ANKRD33: variants seen among roughly 807,000 people sequenced by gnomAD.
ANKRD33 encodes the protein photoreceptor ankyrin repeat protein.
A neutral mutation model predicts 20.6 loss-of-function variants in ANKRD33; 20 were observed. The observed-to-expected ratio is 0.97, with a 90% CI of 0.68 to 1.41. The LOEUF (loss-of-function observed/expected upper bound fraction) is 1.41. Among genes scored for constraint, ANKRD33 ranks in the 40% most tolerant of loss-of-function variants. ANKRD33 has a pLI of 0.00. For missense variants in ANKRD33, 545 were observed against 579.6 expected (o/e 0.94, Z 0.61); for synonymous variants, 246 against 245.0 (o/e 1.00, Z -0.04).
In ANKRD33 at chr12:51,890,948, G is replaced by A. The variant is rs774451094; in HGVS notation, c.1002G>A (p.Ser334=). 2.0e-5 allele frequency: 33 copies of A among 1,613,440 alleles called. No homozygotes were observed. Among genetic ancestry groups the A allele is most frequent in the South Asian group, 7.7e-5 (7 of 91,084 alleles). Residue 334 remains serine (S), a synonymous_variant, in exon 5 of 5, where the codon TCG becomes TCA. Coordinates refer to ENST00000301190, the MANE Select transcript of ANKRD33 (RefSeq NM_182608.4). ...CTCTGTGCCCTGACCATCCACCTTCGCTGGGCACCCGAAGCAAGTCCGTGC... is the reference window on the plus strand; with the variant it reads ...CTCTGTGCCCTGACCATCCACCTTCACTGGGCACCCGAAGCAAGTCCGTGC... The part of the protein sequence containing the change: ...CHTLCPDHPP[S]LGTRSKSVPE...
At position 51,889,056 on chromosome 12, in the gene ANKRD33, C is replaced by T; in HGVS notation, c.397-11C>T. ...GGGGAAAGCAGGGGATCTGAGCTGCCCCTCCCTCAGACAGGCCTCATGGTC... is the reference window on the plus strand; with the variant it reads ...GGGGAAAGCAGGGGATCTGAGCTGCTCCTCCCTCAGACAGGCCTCATGGTC... On this transcript the variant is annotated splice_polypyrimidine_tract_variant and intron_variant, in intron 2 of 4. Coordinates refer to ENST00000301190, the MANE Select transcript of ANKRD33 (RefSeq NM_182608.4). 6.2e-7 allele frequency: 1 copy of T among 1,614,032 alleles called. No individual in the cohort carries two copies. The highest frequency in any genetic ancestry group is 8.5e-7 in the Non-Finnish European group (1 of 1,179,952).
chr12:51,890,811 G>A lies in ANKRD33; in HGVS notation c.865G>A (p.Ala289Thr), dbSNP rs1449270657. Residue 289 changes from alanine to threonine, a missense_variant, in exon 5 of 5, where the codon GCT becomes ACT. By Grantham distance (58) the Ala-to-Thr change is moderately conservative. Transcript: ENST00000301190. Reference sequence around the variant, plus strand: ...CCCTTCACTCCTAGAACGGCTGCAGGCTACCTTGAGCCTCCCCTTTGCCCC... The same window carrying A: ...CCCTTCACTCCTAGAACGGCTGCAGACTACCTTGAGCCTCCCCTTTGCCCC... ...VAPSLLERLQ[A>T]TLSLPFAPSP... is the part of the protein sequence containing the mutation. The A allele has an allele frequency of 2.0e-5, 32 of 1,608,740 alleles. No homozygotes were observed. The highest frequency in any genetic ancestry group is 2.6e-5 in the Non-Finnish European group (31 of 1,179,472).
In ANKRD33 at chr12:51,889,354, AC is replaced by A; in HGVS notation, c.527-15del. ...ACCCCCTTTCCTGGGGACCAAGCTT[AC>A]CCTTGCTGCCCTGCAGGCCACGTGC... On this transcript the variant is annotated splice_polypyrimidine_tract_variant and intron_variant, in intron 3 of 4. Transcript: ENST00000301190. The A allele has an allele frequency of 6.2e-7, 1 of 1,612,746 alleles. No homozygotes were observed. Among genetic ancestry groups the A allele is most frequent in the Non-Finnish European group, 8.5e-7 (1 of 1,179,386 alleles).
At position 51,888,312 on chromosome 12, in the gene ANKRD33, A is replaced by G; in HGVS notation, c.126A>G (p.Ile42Met). The change falls in exon 1 of 5, where the codon ATA becomes ATG. Residue 42 changes from isoleucine to methionine, a missense_variant. Transcript: ENST00000301190. ...AWAVPRVDCL[I>M]DTLRTPNASC... ...CTGTGCCCCGCGTTGACTGCCTCAT[A>G]GATACCCTACGAACCCCAAGTAAGA... 3 of 1,614,038 alleles carry G rather than the reference A, an allele frequency of 1.9e-6. No individual in the cohort carries two copies. Among genetic ancestry groups the G allele is most frequent in the Non-Finnish European group, 2.5e-6 (3 of 1,179,962 alleles).
At position 51,889,114 on chromosome 12, in the gene ANKRD33, C is replaced by T; in HGVS notation, c.444C>T (p.Ala148=). The part of the protein sequence containing the change: ...ACYHGFQSVV[A]LLSHCPFLDV... ...ACCACGGCTTCCAGAGTGTTGTGGC[C>T]CTGCTCAGCCACTGTCCTTTCCTTG... is the stretch of plus-strand genomic sequence containing the variant. Residue 148 remains alanine (A), a synonymous_variant, in exon 3 of 5, where the codon GCC becomes GCT. Coordinates refer to ENST00000301190, the MANE Select transcript of ANKRD33 (RefSeq NM_182608.4). 6.2e-7 allele frequency: 1 copy of T among 1,614,196 alleles called. No individual in the cohort carries two copies. The highest frequency in any genetic ancestry group is 8.5e-7 in the Non-Finnish European group (1 of 1,180,036).
rs200540498 is a variant in ANKRD33, at chr12:51,891,240, C to T, written c.1294C>T (p.Arg432Ter). 7.2e-5 allele frequency: 116 copies of T among 1,614,232 alleles called. No homozygotes were observed. The East Asian group carries it at 1.6e-3, about 22-fold the overall frequency. Residue 432 changes from arginine to a stop codon, truncating the protein, a stop_gained, in exon 5 of 5, where the codon CGA (arginine) becomes TGA (stop). Coordinates refer to ENST00000301190, the MANE Select transcript of ANKRD33 (RefSeq NM_182608.4). LOFTEE classifies it high-confidence loss of function. ...GHQSLALPLW[R>*]YQELRIEKRK... ...CCAAAGTCTGGCCCTTCCTCTCTGG[C>T]GATACCAGGAGCTCAGGATAGAGAA...
chr12:51,889,651 G>T (rs115255481), intron 4 of ANKRD33, 169 bp downstream of exon 4: 335 of 1,276,768 alleles, frequency 2.6e-4, no homozygotes, highest in Middle Eastern at 5.5e-4. Flanking sequence ...CTTCCTGGAG[G>T]GGGGGGCACA....
At position 51,889,450 on chromosome 12, in the gene ANKRD33, C is replaced by A; in HGVS notation, c.605C>A (p.Thr202Lys). ...GAACGCCGGGACCAGCGGGGGCTCA[C>A]GGCGTTAATGAAGGCTGCCATGCGG... ...DLERRDQRGL[T>K]ALMKAAMRNR... The change falls in exon 4 of 5, where the codon ACG becomes AAG. Residue 202 changes from threonine to lysine, a missense_variant. By Grantham distance (78) the Thr-to-Lys change is moderately conservative (BLOSUM62 -1). Transcript: ENST00000301190. The A allele has an allele frequency of 1.2e-6, 2 of 1,614,084 alleles. No homozygotes were observed. The highest frequency in any genetic ancestry group is 1.7e-5 in the Admixed American group (1 of 60,022).
At position 51,891,023 on chromosome 12, in the gene ANKRD33, G is replaced by T; in HGVS notation, c.1077G>T (p.Pro359=). ...CCCCTCCCCTGGTTCCCCAGTCCCC[G>T]CCAGGGAGTCCCCAGAGGTCCCCGT... is the stretch of plus-strand genomic sequence containing the variant. ...APPPPLVPQS[P]PGSPQRSPWV... is the part of the protein sequence containing the mutation. Residue 359 remains proline (P), a synonymous_variant, in exon 5 of 5, where the codon CCG becomes CCT. Coordinates refer to ENST00000301190, the MANE Select transcript of ANKRD33 (RefSeq NM_182608.4). 2.5e-6 allele frequency: 4 copies of T among 1,610,394 alleles called. No individual in the cohort carries two copies. The highest frequency in any genetic ancestry group is 3.4e-6 in the Non-Finnish European group (4 of 1,178,792).
chr12:51,888,200 C>T lies in ANKRD33; in HGVS notation c.14C>T (p.Pro5Leu). The T allele has an allele frequency of 1.9e-6, 3 of 1,614,096 alleles. No homozygotes were observed. Among genetic ancestry groups the T allele is most frequent in the Non-Finnish European group, 1.7e-6 (2 of 1,179,992 alleles). The part of the protein sequence containing the change: MKVQ[P>L]SVTCVASWGG... ...CAGCAGCTCTTTATGAAAGTCCAGC[C>T]ATCTGTTACCTGCGTTGCTTCCTGG... Residue 5 changes from proline (P) to leucine (L), a missense_variant, in exon 1 of 5, where the codon CCA becomes CTA. Pro to Leu is a moderately conservative substitution (Grantham distance 98, BLOSUM62 -3). Transcript: ENST00000301190.
chr12:51,891,428 T>TAG lies in ANKRD33; in HGVS notation c.*124_*125insGA. The TAG allele has an allele frequency of 7.2e-7, 1 of 1,395,424 alleles. No homozygotes were observed. The highest frequency in any genetic ancestry group is 9.5e-7 in the Non-Finnish European group (1 of 1,057,154). 86.4% of individuals were successfully genotyped at this position (1,395,424 alleles called of 1,614,324 possible). On this transcript the variant is annotated 3_prime_UTR_variant, in exon 5 of 5. Transcript: ENST00000301190. ...CCTAAGTAAATCTGCTCTCAACCTA[T>TAG]ATATATACAAGGTCATTCATTCTAG...
chr12:51,890,525 C>A, intron 4 of ANKRD33, 59 bp from the exon 5 acceptor site: 1 of 1,558,944 alleles, frequency 6.4e-7, no homozygotes. Context: ...AAGAATCTGC[C>A]CTTCCACAAA....
chr12:51,889,043 G>C, intron 2 of ANKRD33, 24 bp from the exon 3 acceptor site: 11 of 1,613,994 alleles, frequency 6.8e-6, no homozygotes, highest in Non-Finnish European at 9.3e-6. Flanking sequence ...GGAAAGCAGG[G>C]GATCTGAGCT....
In ANKRD33 at chr12:51,888,999, T is replaced by C. The variant is rs752942527; in HGVS notation, c.397-68T>C. ...GCAGGCTCTGGGACAGATATGGGTT[T>C]AGAGGGTGCAAGGGGCCCTGGAGTG... On this transcript the variant is annotated intron_variant, in intron 2 of 4. Coordinates refer to ENST00000301190, the MANE Select transcript of ANKRD33 (RefSeq NM_182608.4). The C allele has an allele frequency of 2.5e-6, 4 of 1,607,710 alleles. No homozygotes were observed. In the South Asian group the frequency reaches 3.3e-5, roughly 13 times the overall value.
At position 51,888,737 on chromosome 12, in the gene ANKRD33, C is replaced by T. The variant is rs141321224; in HGVS notation, c.315C>T (p.His105=). The change falls in exon 2 of 5, where the codon CAC becomes CAT. Residue 105 remains histidine, a synonymous_variant. Coordinates refer to ENST00000301190, the MANE Select transcript of ANKRD33 (RefSeq NM_182608.4). The stretch of plus-strand genomic sequence containing the variant: ...GGGCCCTGTATTGGGCCTGTGTCCA[C>T]AATGATCCCACCCAGCTCCAAGCCA... ...RLGALYWACV[H]NDPTQLQAIL... The T allele has an allele frequency of 6.9e-5, 111 of 1,614,088 alleles. No homozygotes were observed. The African/African-American group carries it at 1.4e-3, about 20-fold the overall frequency.
At position 51,890,692 on chromosome 12, in the gene ANKRD33, G is replaced by C; in HGVS notation, c.746G>C (p.Arg249Pro). 14 of 1,604,450 alleles carry C rather than the reference G, an allele frequency of 8.7e-6. No homozygotes were observed. The highest frequency in any genetic ancestry group is 1.2e-5 in the Non-Finnish European group (14 of 1,179,956). The change falls in exon 5 of 5, where the codon CGG becomes CCG. Residue 249 changes from arginine (R) to proline (P), a missense_variant. Transcript: ENST00000301190. Reference sequence around the variant, plus strand: ...TGGAGGATTCGGCAGCTGCTGAGGCGGCCCCAAGTGGAGCAGCTTAGCCAG... The same window carrying C: ...TGGAGGATTCGGCAGCTGCTGAGGCCGCCCCAAGTGGAGCAGCTTAGCCAG... ...TVWRIRQLLR[R>P]PQVEQLSQHY...
At position 51,888,777 on chromosome 12, in the gene ANKRD33, G is replaced by T; in HGVS notation, c.355G>T (p.Val119Phe). The T allele has an allele frequency of 6.2e-7, 1 of 1,613,954 alleles. No homozygotes were observed. Among genetic ancestry groups the T allele is most frequent in the Non-Finnish European group, 8.5e-7 (1 of 1,180,020 alleles). Residue 119 changes from valine to phenylalanine, a missense_variant, in exon 2 of 5, where the codon GTC becomes TTC. Coordinates refer to ENST00000301190, the MANE Select transcript of ANKRD33 (RefSeq NM_182608.4). ...TQLQAILDGG[V>F]SPEEATQVDS... The stretch of plus-strand genomic sequence containing the variant: ...GCTCCAAGCCATACTGGATGGTGGG[G>T]TCTCCCCAGAGGAGGCCACCCAGGT...
chr12:51,889,596 T>C, intron 4 of ANKRD33, 114 bp downstream of exon 4: 4 of 1,474,940 alleles, frequency 2.7e-6, no homozygotes, highest in East Asian at 2.5e-5. Flanking sequence ...CTGTGATTAT[T>C]TGCAGAAAGG....
Position 51,889,430 on chromosome 12 carries a change from C to A in ANKRD33, c.585C>A (p.Arg195=). The change falls in exon 4 of 5, where the codon CGC becomes CGA. Residue 195 remains arginine, a synonymous_variant. Transcript: ENST00000301190. The stretch of plus-strand genomic sequence containing the variant: ...ACTATGTGGGCCTGGACCTGGAACG[C>A]CGGGACCAGCGGGGGCTCACGGCGT... ...LNYYVGLDLE[R]RDQRGLTALM... is the part of the protein sequence containing the mutation. 6.2e-7 allele frequency: 1 copy of A among 1,614,080 alleles called. No homozygotes were observed. The highest frequency in any genetic ancestry group is 8.5e-7 in the Non-Finnish European group (1 of 1,180,004).
Sources: allele counts gnomAD v4.1 joint callset, GRCh38; gene constraint gnomAD v4.1.1; transcripts MANE v1.5; gene names NCBI Gene and HGNC (gene_info 2026-07-23, HGNC 2026-07-21).